The following STAMBP variants were observed in gnomAD, a reference collection of about 807,000 sequenced individuals.
STAMBP encodes the protein STAM-binding protein.
A neutral mutation model predicts 50.7 loss-of-function variants in STAMBP; 31 were observed. The ratio of observed to expected loss-of-function variants is 0.61; its 90% CI spans 0.46 to 0.83. STAMBP has a LOEUF of 0.83. Ranked by LOEUF, STAMBP falls within the 40% of genes least tolerant of loss-of-function variation. The probability of loss-of-function intolerance (pLI) is 0.00; values close to 1 mark genes in which losing one functional copy is unlikely to be tolerated. For synonymous variants in STAMBP, 211 were observed against 192.4 expected (o/e 1.10, Z -0.80); for missense variants, 472 against 518.9 (o/e 0.91, Z 0.88).
Position 73,863,352 on chromosome 2 carries a change from A to G in STAMBP, c.*1093A>G, listed in dbSNP as rs1440803139. On this transcript the variant is annotated 3_prime_UTR_variant, in exon 10 of 10. Transcript: ENST00000394070. ...GCCTGGTGTTCTAGGTGGCCTAGAA[A>G]TAATGGTGTCATTTGTGACACCTCG... 6.6e-6 allele frequency: 1 copy of G among 152,228 alleles called. No homozygotes were observed. Among genetic ancestry groups the G allele is most frequent in the Non-Finnish European group, 1.5e-5 (1 of 68,046 alleles). The allele number at this position is 152,228 out of a possible 1,614,324, so 9.4% of individuals were successfully genotyped here. A position where few individuals can be genotyped will look rare whatever the true frequency, so the allele number is the denominator to read the frequency against.
intron 2 of STAMBP, among the ~76,000 whole-genome samples, chr2:73,837,029 C>T (rs541118016): frequency 6.6e-6 from 1 of 152,324 alleles, no homozygotes; most frequent in East Asian, 1.9e-4. Context: ...TTCAGGGGAT[C>T]TGTGAACCGG....
intron 2 of STAMBP, among the ~76,000 whole-genome samples, chr2:73,833,513 T>TACTGC (rs113274315): frequency 0.066 from 10,046 of 152,198 alleles, 641 homozygotes; most frequent in African/African-American, 0.16. Flanking sequence ...TTATATATTC[T>TACTGC]TGGTAGAAAG....
chr2:73,845,016 A>G (rs1282599558), intron 3 of STAMBP, 128 bp downstream of exon 3: 6 of 1,519,042 alleles, frequency 3.9e-6, no homozygotes, highest in Non-Finnish European at 5.3e-6. Flanking sequence ...CCATTTCACC[A>G]CAACAGTTCT....
intron 8 of STAMBP, among the ~76,000 whole-genome samples, chr2:73,859,711 AT>A (rs1156999115): frequency 9.7e-5 from 13 of 133,450 alleles, no homozygotes; most frequent in Non-Finnish European, 1.6e-4. Flanking sequence ...AAATAAAAAA[AT>A]ATAATAAAAA....
intron 2 of STAMBP, among the ~76,000 whole-genome samples, chr2:73,832,108 TACAC>T (rs1553376119): frequency 2.4e-5 from 3 of 122,874 alleles, no homozygotes; most frequent in South Asian, 2.5e-4. Flanking sequence ...TATATATATA[TACAC>T]ATATATATGG....
intron 4 of STAMBP, among the ~76,000 whole-genome samples, chr2:73,847,158 A>T (rs533343060): frequency 6.6e-6 from 1 of 151,922 alleles, no homozygotes; most frequent in South Asian, 2.1e-4. Context: ...TATTGAGAGG[A>T]TTGGGATTTT....
At chr2:73,841,468 C>G (rs1232087548) in intron 2 of STAMBP, among the ~76,000 whole-genome samples, 2 of 152,168 alleles carry the variant, frequency 1.3e-5, no homozygotes, top group African/African-American at 4.8e-5. Context: ...CACAGCAAGC[C>G]TGTCAGGGAG....
At position 73,862,454 on chromosome 2, in the gene STAMBP, A is replaced by G. The variant is rs1323181515; in HGVS notation, c.*195A>G. On this transcript the variant is annotated 3_prime_UTR_variant, in exon 10 of 10. Transcript: ENST00000394070. ...CATATTTTTTAGGCAAGTCAGAAAG[A>G]GAACATGGTCACCCAAAAGCAACTG... 1 of 411,090 alleles carries G rather than the reference A, an allele frequency of 2.4e-6. No individual in the cohort carries two copies. Among genetic ancestry groups the G allele is most frequent in the African/African-American group, 2.1e-5 (1 of 48,670 alleles). 25.5% of individuals were successfully genotyped at this position (411,090 alleles called of 1,614,324 possible). A position where few individuals can be genotyped will look rare whatever the true frequency, so the allele number is the denominator to read the frequency against.
At chr2:73,846,795 T>G (rs1203643153) in intron 4 of STAMBP, among the ~76,000 whole-genome samples, 1 of 151,908 alleles carries the variant, frequency 6.6e-6, no homozygotes, top group Non-Finnish European at 1.5e-5. Flanking sequence ...TGCATCAAGA[T>G]TTCAGGCCAG....
rs12165219 is a variant in STAMBP at position 73,864,934 on chromosome 2, A to G, written c.*2675A>G. 9.5e-4 allele frequency: 145 copies of G among 152,330 alleles called. No homozygotes were observed. Among genetic ancestry groups the G allele is most frequent in the African/African-American group, 3.5e-3 (144 of 41,564 alleles). 9.4% of individuals were successfully genotyped at this position (152,330 alleles called of 1,614,324 possible). A position where few individuals can be genotyped will look rare whatever the true frequency, so the allele number is the denominator to read the frequency against. ...CACATACTCCTTGTTAAATGGGACC[A>G]AAGGGGAAGAAGAAGAAACCCTTAA... On this transcript the variant is annotated 3_prime_UTR_variant, in exon 10 of 10. Transcript: ENST00000394070.
chr2:73,862,760 A>C lies in STAMBP; in HGVS notation c.*501A>C, dbSNP rs1678480127. 6.6e-6 allele frequency: 1 copy of C among 152,660 alleles called. No individual in the cohort carries two copies. The highest frequency in any genetic ancestry group is 2.1e-4 in the South Asian group (1 of 4,834). The allele number at this position is 152,660 out of a possible 1,614,324, so 9.5% of individuals were successfully genotyped here. Reference sequence around the variant, plus strand: ...GGAGCTTATTACTGGGGTGAGGGACAGCTTACTCCATTTGACCAGATTGTT... The same window carrying C: ...GGAGCTTATTACTGGGGTGAGGGACCGCTTACTCCATTTGACCAGATTGTT... On this transcript the variant is annotated 3_prime_UTR_variant, in exon 10 of 10. Transcript: ENST00000394070.
chr2:73,853,177 G>A (rs757991335), intron 7 of STAMBP, among the ~76,000 whole-genome samples: 6 of 152,268 alleles, frequency 3.9e-5, no homozygotes, highest in Middle Eastern at 3.4e-3. Context: ...TCTCGATTTA[G>A]TGTGTTTTAG....
intron 9 of STAMBP, among the ~76,000 whole-genome samples, chr2:73,861,504 TTTTTTGTTTTTG>T (rs565948613): frequency 2.1e-4 from 32 of 151,364 alleles, no homozygotes; most frequent in East Asian, 5.9e-4. Context: ...AAATAAGGGT[TTTTTTGTTTTTG>T]TTTTTGTTTT....
At chr2:73,859,101 A>T (rs1677960116) in intron 7 of STAMBP, among the ~76,000 whole-genome samples, 153 bp from the exon 8 acceptor site, 1 of 152,204 alleles carries the variant, frequency 6.6e-6, no homozygotes, top group African/African-American at 2.4e-5. Context: ...TTATGTGAAG[A>T]TGATCTCTCT....
At chr2:73,833,784 A>C (rs1399337119) in intron 2 of STAMBP, among the ~76,000 whole-genome samples, 1 of 152,192 alleles carries the variant, frequency 6.6e-6, no homozygotes, top group Admixed American at 6.5e-5. Context: ...CCTGAACAGC[A>C]GTGAGTAAAA....
At chr2:73,853,630 G>A (rs540390869) in intron 7 of STAMBP, among the ~76,000 whole-genome samples, 4 of 152,324 alleles carry the variant, frequency 2.6e-5, no homozygotes, top group African/African-American at 9.6e-5. Flanking sequence ...GCTGAGGCAG[G>A]AGAATTGCTT....
chr2:73,847,938 G>C (rs772643125), intron 5 of STAMBP, among the ~76,000 whole-genome samples, 185 bp downstream of exon 5: 1 of 152,194 alleles, frequency 6.6e-6, no homozygotes, highest in Non-Finnish European at 1.5e-5. Context: ...GGCCTTTGCT[G>C]AAACCTAGTC....
intron 6 of STAMBP, 58 bp downstream of exon 6, chr2:73,849,545 T>C: frequency 6.5e-7 from 1 of 1,530,548 alleles, no homozygotes; most frequent in Admixed American, 2.1e-5. Context: ...CTTCCCCTCT[T>C]GGCATCCTGT....
chr2:73,841,054 A>G (rs1002711888), intron 2 of STAMBP, among the ~76,000 whole-genome samples: 1 of 152,166 alleles, frequency 6.6e-6, no homozygotes, highest in Admixed American at 6.5e-5. Flanking sequence ...GCATTATTGC[A>G]TATATTCATC....
Sources: gnomAD v4.1 joint callset for allele counts (sites outside exome capture counted in the v4.1 genomes callset) on GRCh38, gnomAD v4.1.1 for gene constraint, MANE v1.5 for transcripts, NCBI Gene and HGNC (gene_info 2026-07-23, HGNC 2026-07-21) for gene names.